NAV2: variants seen among roughly 807,000 people sequenced by gnomAD.
The protein encoded by NAV2 is neuron navigator 2.
NAV2 carries 54 observed loss-of-function variants against 223.2 expected under a neutral mutation model. The ratio of observed to expected loss-of-function variants is 0.24; its 90% CI spans 0.19 to 0.30. NAV2 has a LOEUF of 0.30. NAV2 is among the 10% of genes least tolerant of loss of function. The pLI is 1.00. For missense variants in NAV2, 2,806 were observed against 3,147.5 expected, an observed-to-expected ratio of 0.89 and a Z score of 2.60; for synonymous variants, 1,279 against 1,239.3, an observed-to-expected ratio of 1.03 and a Z score of -0.67.
chr11:19,505,628 C>A (rs1277248144), intron 1 of NAV2: 1 of 152,206 alleles, frequency 6.6e-6, no homozygotes, highest in Non-Finnish European at 1.5e-5. Context: ...ATGGCCATTG[C>A]ATCTCTCAGG....
intron 1 of NAV2, among the ~76,000 whole-genome samples, chr11:19,367,164 T>C (rs1403160698): frequency 1.3e-5 from 2 of 152,174 alleles, no homozygotes; most frequent in Non-Finnish European, 2.9e-5. Context: ...CTCTGAGCAT[T>C]TGATTCACGG....
Position 19,848,832 on chromosome 11 carries a change from A to G in NAV2, c.438+5909A>G, listed in dbSNP as rs563953807. 1.6e-3 allele frequency among the ~76,000 whole-genome samples: 243 copies of G among 152,294 alleles called. 1 individual carries two copies. Among genetic ancestry groups the G allele is most frequent in the African/African-American group, 5.5e-3 (228 of 41,558 alleles). ...TTTAGTGGGGTTTGAATTCATTTGTATGCCTACATCTCTCTGAATGATAGC... is the reference window on the plus strand; with the variant it reads ...TTTAGTGGGGTTTGAATTCATTTGTGTGCCTACATCTCTCTGAATGATAGC... On this transcript the variant is annotated intron_variant, in intron 3 of 37. Transcript: ENST00000349880.
At chr11:19,566,320 C>T (rs551730495) in intron 1 of NAV2, among the ~76,000 whole-genome samples, 1 of 152,220 alleles carries the variant, frequency 6.6e-6, no homozygotes, top group South Asian at 2.1e-4. Flanking sequence ...TCAAGCAATT[C>T]ACCCACCTCG....
intron 1 of NAV2, among the ~76,000 whole-genome samples, chr11:19,358,209 G>T (rs1441114104): frequency 6.6e-6 from 1 of 152,136 alleles, no homozygotes; most frequent in East Asian, 1.9e-4. Flanking sequence ...GAGGAGATGC[G>T]GATGGCAGAG....
chr11:20,114,516 T>C (rs1278280861), intron 36 of NAV2, 76 bp from the exon 37 acceptor site: 5 of 1,416,776 alleles, frequency 3.5e-6, no homozygotes, highest in African/African-American at 1.4e-5. Context: ...GGGGAGTTTT[T>C]CAGAAAGCTG....
chr11:19,589,331 A>T (rs921366438), intron 1 of NAV2, among the ~76,000 whole-genome samples: 1 of 152,256 alleles, frequency 6.6e-6, no homozygotes, highest in African/African-American at 2.4e-5. Flanking sequence ...ACCAAAGGAA[A>T]AATGGGACCA....
intron 10 of NAV2, among the ~76,000 whole-genome samples, chr11:19,966,514 C>A (rs1292891985): frequency 6.6e-6 from 1 of 152,174 alleles, no homozygotes; most frequent in Non-Finnish European, 1.5e-5. Context: ...CCCTCACTGA[C>A]CACCCGTCCT....
At chr11:19,647,963 A>G (rs1196474949) in intron 1 of NAV2, among the ~76,000 whole-genome samples, 1 of 152,124 alleles carries the variant, frequency 6.6e-6, no homozygotes. Flanking sequence ...AAATGACAAC[A>G]CTGAGGCTTA....
At chr11:19,374,181 C>A (rs1255046273) in intron 1 of NAV2, among the ~76,000 whole-genome samples, 1 of 152,098 alleles carries the variant, frequency 6.6e-6, no homozygotes, top group African/African-American at 2.4e-5. Flanking sequence ...CACACATAAT[C>A]TTGCTTTCTT....
intron 2 of NAV2, among the ~76,000 whole-genome samples, chr11:19,837,044 A>G (rs1382965544): frequency 6.6e-6 from 1 of 152,200 alleles, no homozygotes; most frequent in Non-Finnish European, 1.5e-5. Flanking sequence ...GAATATATGA[A>G]TTTTGGGAGG....
intron 1 of NAV2, among the ~76,000 whole-genome samples, chr11:19,796,999 G>C (rs1366908430): frequency 6.6e-6 from 1 of 152,166 alleles, no homozygotes. Context: ...GCCGGGATAT[G>C]ATGAGTCCTG....
rs1176801787 is a variant in NAV2, at chr11:19,651,022, A to G, written c.76-181462A>G. Among the ~76,000 whole-genome samples the G allele has an allele frequency of 3.9e-5, 6 of 152,224 alleles. No individual in the cohort carries two copies. The East Asian group carries it at 9.7e-4, about 24-fold the overall frequency. ...ATGAGTGTTTTATTCTATGTAAACT[A>G]TTTCTTAATTAAGTTAGCCTAAACA... On this transcript the variant is annotated intron_variant, in intron 1 of 37. Coordinates refer to the NAV2 transcript ENST00000360655.
chr11:19,346,549 G>A (rs1191540242), upstream of NAV2, among the ~76,000 whole-genome samples: 2 of 152,244 alleles, frequency 1.3e-5, no homozygotes, highest in African/African-American at 4.8e-5. Flanking sequence ...GGACTCAGGC[G>A]GCGGCGGTGG....
intron 1 of NAV2, among the ~76,000 whole-genome samples, chr11:19,539,306 A>G (rs768457063): frequency 3.3e-5 from 5 of 152,182 alleles, no homozygotes; most frequent in African/African-American, 4.8e-5. Context: ...AAATTGATCT[A>G]TCCAAGAAGA....
chr11:19,794,507 A>T (rs758135587), intron 1 of NAV2, among the ~76,000 whole-genome samples: 1 of 152,206 alleles, frequency 6.6e-6, no homozygotes, highest in Non-Finnish European at 1.5e-5. Context: ...TACAATGAAT[A>T]TAACAACTAT....
At chr11:19,540,061 G>A (rs539875577) in intron 1 of NAV2, among the ~76,000 whole-genome samples, 4 of 152,170 alleles carry the variant, frequency 2.6e-5, no homozygotes, top group Admixed American at 2.6e-4. Flanking sequence ...AACTGAGGGG[G>A]TAAACACGAT....
intron 1 of NAV2, among the ~76,000 whole-genome samples, chr11:19,464,854 G>A (rs1016590544): frequency 2.6e-5 from 4 of 152,344 alleles, no homozygotes; most frequent in East Asian, 1.9e-4. Flanking sequence ...GACTCAGAAT[G>A]CACTTTTCAG....
At chr11:19,915,927 T>G (rs1433002364) in intron 6 of NAV2, among the ~76,000 whole-genome samples, 1 of 152,212 alleles carries the variant, frequency 6.6e-6, no homozygotes, top group Non-Finnish European at 1.5e-5. Context: ...TATTTACAGC[T>G]CAGACTCTGG....
intron 1 of NAV2, among the ~76,000 whole-genome samples, chr11:19,696,506 A>G (rs1010102944): frequency 1.3e-5 from 2 of 152,198 alleles, no homozygotes; most frequent in Non-Finnish European, 2.9e-5. Flanking sequence ...ATTAAATATC[A>G]ACCGTATTTA....
Sources: allele counts gnomAD v4.1 joint callset (sites outside exome capture counted in the v4.1 genomes callset), GRCh38; gene constraint gnomAD v4.1.1; transcripts MANE v1.5; gene names NCBI Gene and HGNC (gene_info 2026-07-23, HGNC 2026-07-21).